Variants in MAGI2 observed in about 807,000 individuals in gnomAD.
The protein encoded by MAGI2 is membrane associated guanylate kinase, WW and PDZ domain containing 2.
A neutral mutation model predicts 133.3 loss-of-function variants in MAGI2; 35 were observed. That is an observed-to-expected ratio of 0.26 (90% CI 0.20 to 0.35). The LOEUF is 0.35. Ranked by LOEUF, MAGI2 falls within the 10% of genes least tolerant of loss-of-function variation. The pLI, the probability that MAGI2 is intolerant of heterozygous loss-of-function variation, is 1.00. For synonymous variants in MAGI2, 729 were observed against 710.6 expected, an observed-to-expected ratio of 1.03 and a Z score of -0.41; for missense variants, 1,636 against 1,863.4, an observed-to-expected ratio of 0.88 and a Z score of 2.25.
chr7:78,415,189 T>TATAATTATAA (rs1798190317), intron 6 of MAGI2, among the ~76,000 whole-genome samples: 2 of 152,106 alleles, frequency 1.3e-5, no homozygotes, highest in Non-Finnish European at 2.9e-5. Context: ...TAAGATTAAG[T>TATAATTATAA]TATATCTTCA....
intron 3 of MAGI2, among the ~76,000 whole-genome samples, chr7:78,521,957 C>T (rs556310245): frequency 5.3e-5 from 8 of 151,954 alleles, no homozygotes; most frequent in South Asian, 2.1e-4. Flanking sequence ...TAAAATTATC[C>T]GAATTTTTTA....
Position 79,358,138 on chromosome 7 carries a change from T to C in MAGI2, c.301+94882A>G, listed in dbSNP as rs899290944. ...AAAAGAACCTTTCTCTATGAAAATA[T>C]CCTCTGCTGTTGTAGTTATAGTAAC... On this transcript the variant is annotated intron_variant, in intron 1 of 21. Coordinates refer to ENST00000354212, the MANE Select transcript of MAGI2 (RefSeq NM_012301.4). Among the ~76,000 whole-genome samples the C allele has an allele frequency of 2.0e-5, 3 of 152,160 alleles. No homozygotes were observed. In the East Asian group the frequency reaches 5.8e-4, roughly 29 times the overall value.
intron 9 of MAGI2, among the ~76,000 whole-genome samples, chr7:78,341,568 G>T (rs1396435252): frequency 3.9e-5 from 6 of 152,056 alleles, no homozygotes; most frequent in Admixed American, 2.0e-4. Flanking sequence ...ATACTATAAG[G>T]CTACAGTAAC....
intron 9 of MAGI2, chr7:78,285,713 A>T (rs1796078337): frequency 6.6e-6 from 1 of 152,144 alleles, no homozygotes; most frequent in African/African-American, 2.4e-5. Flanking sequence ...GATACCTGGG[A>T]TCTTGTTACA....
At chr7:79,440,231 C>T (rs1043936479) in intron 1 of MAGI2, among the ~76,000 whole-genome samples, 8 of 151,290 alleles carry the variant, frequency 5.3e-5, no homozygotes, top group African/African-American at 1.7e-4. Context: ...TGGATTCTAG[C>T]CTTGGAATTA....
In MAGI2 at chr7:78,245,869, A is replaced by T. The variant is rs1270715051; in HGVS notation, c.2047+10074T>A. Among the ~76,000 whole-genome samples, 5 of 152,238 alleles carry T rather than the reference A, an allele frequency of 3.3e-5. No individual in the cohort carries two copies. In the East Asian group the frequency reaches 7.7e-4, roughly 24 times the overall value. On this transcript the variant is annotated intron_variant, in intron 10 of 21. Transcript: ENST00000354212. ...CTTGCCCCCTGTGACCCACACGGCT[A>T]CTGTGCTTTGCCATCTTGGAATCAG...
At chr7:79,099,392 AG>A (rs1817774721) in intron 1 of MAGI2, among the ~76,000 whole-genome samples, 1 of 152,210 alleles carries the variant, frequency 6.6e-6, no homozygotes, top group South Asian at 2.1e-4. Flanking sequence ...TTAGTCTAGA[AG>A]TAATAACATC....
At chr7:78,652,250 T>C (rs143130315) in intron 2 of MAGI2, among the ~76,000 whole-genome samples, 1 of 152,180 alleles carries the variant, frequency 6.6e-6, no homozygotes, top group Non-Finnish European at 1.5e-5. Context: ...ATCTATTGCA[T>C]CCATCAAACT....
chr7:79,007,097 C>T lies in MAGI2; in HGVS notation c.411G>A (p.Thr137=), dbSNP rs149568072. 9.2e-5 allele frequency: 148 copies of T among 1,603,802 alleles called. No individual in the cohort carries two copies. The highest frequency in any genetic ancestry group is 5.2e-4 in the African/African-American group (39 of 74,372). Residue 137 remains threonine, a synonymous_variant, in exon 2 of 22, where the codon ACG becomes ACA. Coordinates refer to ENST00000354212, the MANE Select transcript of MAGI2 (RefSeq NM_012301.4). ...ACTGCCCATTGTACTCACATGGCACCGTGCGGAGGTAGAGGTTGTCACGAA... is the reference window on the plus strand; with the variant it reads ...ACTGCCCATTGTACTCACATGGCACTGTGCGGAGGTAGAGGTTGTCACGAA... ...QIIRDNLYLR[T]VPCTTRPHKE...
At chr7:79,023,356 T>C (rs1330417675) in intron 1 of MAGI2, among the ~76,000 whole-genome samples, 2 of 152,112 alleles carry the variant, frequency 1.3e-5, no homozygotes, top group African/African-American at 4.8e-5. Flanking sequence ...AAGCTATCTA[T>C]GAAAAACCCA....
At chr7:78,492,275 G>A (rs1210816435) in intron 5 of MAGI2, among the ~76,000 whole-genome samples, 2 of 151,990 alleles carry the variant, frequency 1.3e-5, no homozygotes, top group African/African-American at 2.4e-5. Flanking sequence ...TATTAACGGT[G>A]TGTCACTTTA....
intron 2 of MAGI2, among the ~76,000 whole-genome samples, chr7:78,945,064 TA>T (rs1413317920): frequency 2.6e-5 from 4 of 151,924 alleles, no homozygotes; most frequent in Non-Finnish European, 4.4e-5. Context: ...ATTAATTAAT[TA>T]TTTTTTTGAG....
intron 2 of MAGI2, among the ~76,000 whole-genome samples, chr7:78,643,974 A>T (rs890689361): frequency 7.9e-5 from 12 of 152,180 alleles, no homozygotes; most frequent in Admixed American, 3.9e-4. Context: ...ATGCAAAAAA[A>T]GTTAGAAGTA....
intron 2 of MAGI2, among the ~76,000 whole-genome samples, chr7:78,645,573 C>CA (rs1810785585): frequency 6.6e-6 from 1 of 151,534 alleles, no homozygotes; most frequent in Non-Finnish European, 1.5e-5. Context: ...TTTATGGATA[C>CA]AGAAAGAAAA....
Position 79,076,633 on chromosome 7 carries a change from T to C in MAGI2, c.302-69427A>G, listed in dbSNP as rs374716183. ...ATAATGCATATCCCGTTTTCCTGTA[T>C]GAGAGGAAATAATTTCTATCTCCTG... On this transcript the variant is annotated intron_variant, in intron 1 of 21. Coordinates refer to ENST00000354212, the MANE Select transcript of MAGI2 (RefSeq NM_012301.4). Among the ~76,000 whole-genome samples, 28 of 152,344 alleles carry C rather than the reference T, an allele frequency of 1.8e-4. No homozygotes were observed. The East Asian group carries it at 2.9e-3, about 16-fold the overall frequency.
chr7:78,866,390 C>T (rs1489332319), intron 2 of MAGI2, among the ~76,000 whole-genome samples: 3 of 151,866 alleles, frequency 2.0e-5, no homozygotes, highest in East Asian at 3.9e-4. Context: ...CTAGCTTGTC[C>T]TGGACAAATC....
intron 1 of MAGI2, among the ~76,000 whole-genome samples, chr7:79,087,256 A>T (rs943849353): frequency 3.3e-5 from 5 of 151,936 alleles, no homozygotes; most frequent in Non-Finnish European, 7.4e-5. Context: ...ATTCATTTAG[A>T]GTCAAATTCT....
At chr7:79,334,563 A>T (rs1840302318) in intron 1 of MAGI2, among the ~76,000 whole-genome samples, 1 of 152,134 alleles carries the variant, frequency 6.6e-6, no homozygotes, top group Non-Finnish European at 1.5e-5. Flanking sequence ...CTATCAGGTG[A>T]TCCTCTACTT....
At chr7:78,536,647 C>T (rs1045052286) in intron 3 of MAGI2, among the ~76,000 whole-genome samples, 1 of 152,034 alleles carries the variant, frequency 6.6e-6, no homozygotes, top group African/African-American at 2.4e-5. Context: ...TCTTGATGAC[C>T]TCCCCTTATC....
Sources: gnomAD v4.1 joint callset for allele counts (sites outside exome capture counted in the v4.1 genomes callset) on GRCh38, gnomAD v4.1.1 for gene constraint, MANE v1.5 for transcripts, NCBI Gene and HGNC (gene_info 2026-07-23, HGNC 2026-07-21) for gene names.